The following NDUFB2 variants were observed in gnomAD, a reference collection of about 807,000 sequenced individuals.
NDUFB2 encodes NADH dehydrogenase [ubiquinone] 1 beta subcomplex subunit 2, mitochondrial.
NDUFB2 carries 13 observed loss-of-function variants against 13.4 expected under a neutral mutation model. The observed-to-expected ratio is 0.97, with a 90% CI of 0.63 to 1.54. NDUFB2 has a LOEUF of 1.54. Among genes scored for constraint, NDUFB2 ranks in the 40% most tolerant of loss-of-function variants. The probability of loss-of-function intolerance (pLI) is 0.00; values close to 1 mark genes in which losing one functional copy is unlikely to be tolerated. For synonymous variants in NDUFB2, 47 were observed against 50.6 expected, an observed-to-expected ratio of 0.93 and a Z score of 0.30; for missense variants, 150 against 139.7, an observed-to-expected ratio of 1.07 and a Z score of -0.37.
At position 140,698,272 on chromosome 7, in the gene NDUFB2, C is replaced by G. The variant is rs1242005138; in HGVS notation, c.98+1430C>G. The G allele has an allele frequency of 2.2e-6, 3 of 1,351,040 alleles. No homozygotes were observed. The African/African-American group carries it at 4.4e-5, about 20-fold the overall frequency. The allele number at this position is 1,351,040 out of a possible 1,614,324, so 83.7% of individuals were successfully genotyped here. A position where few individuals can be genotyped will look rare whatever the true frequency, so the allele number is the denominator to read the frequency against. On this transcript the variant is annotated intron_variant, in intron 1 of 3. Coordinates refer to ENST00000247866, the MANE Select transcript of NDUFB2 (RefSeq NM_004546.3). Reference sequence around the variant, plus strand: ...GGGAATGCCGATCTTCCCTGAGGTGCTGGCTTGTTCGTAACACACACTTGT... The same window carrying G: ...GGGAATGCCGATCTTCCCTGAGGTGGTGGCTTGTTCGTAACACACACTTGT...
intron 1 of NDUFB2, chr7:140,702,572 CT>C (rs1466095836): frequency 5.8e-6 from 2 of 343,750 alleles, no homozygotes; most frequent in Non-Finnish European, 1.1e-5. Context: ...TAACTAAAAC[CT>C]TTGGGGCTAG....
chr7:140,702,997 C>G lies in NDUFB2; in HGVS notation c.230C>G (p.Ser77Ter), dbSNP rs776647947. 6 of 1,613,742 alleles carry G rather than the reference C, an allele frequency of 3.7e-6. No individual in the cohort carries two copies. Among genetic ancestry groups the G allele is most frequent in the Non-Finnish European group, 3.4e-6 (4 of 1,179,970 alleles). Residue 77 changes from serine (S) to a stop codon, truncating the protein, a stop_gained, in exon 2 of 4, where the codon TCA becomes TGA. Coordinates refer to ENST00000247866, the MANE Select transcript of NDUFB2 (RefSeq NM_004546.3). LOFTEE classifies it high-confidence loss of function. ...FWILWRFWHDSEEVLGHFPYP... is the reference protein window; with the variant it reads ...FWILWRFWHD The stretch of plus-strand genomic sequence containing the variant: ...ATTCTCTGGCGCTTTTGGCATGACT[C>G]AGAAGAGGTGCTGGTAAGTGCAGGA...
chr7:140,698,102 T>G, intron 1 of NDUFB2: 1 of 1,348,660 alleles, frequency 7.4e-7, no homozygotes, highest in Middle Eastern at 2.1e-4. Context: ...ATGAAAGGAG[T>G]GACTTGCCTG....
At chr7:140,701,904 C>G (rs1794903625) in intron 1 of NDUFB2, 2 of 552,954 alleles carry the variant, frequency 3.6e-6, no homozygotes, top group Admixed American at 5.8e-5. Flanking sequence ...CCATTGCACT[C>G]CAGCCTGGGT....
intron 3 of NDUFB2, chr7:140,706,135 C>A (rs1794970566): frequency 6.7e-6 from 1 of 149,530 alleles, no homozygotes; most frequent in South Asian, 2.1e-4. Context: ...ATTCTGTCAT[C>A]CAGACTGGAG....
rs766823823 is a variant in NDUFB2 at position 140,704,886 on chromosome 7, C to T, written c.270C>T (p.Ser90=). ...VLGHFPYPDP[S]QWTDEELGIP... ...GTCACTTTCCGTATCCTGATCCTTC[C>T]CAGTGGACAGATGAAGAATTAGGTA... Residue 90 remains serine, a synonymous_variant, in exon 3 of 4, where the codon TCC becomes TCT. Coordinates refer to ENST00000247866, the MANE Select transcript of NDUFB2 (RefSeq NM_004546.3). The T allele has an allele frequency of 3.1e-6, 5 of 1,602,750 alleles. No individual in the cohort carries two copies. Among genetic ancestry groups the T allele is most frequent in the Admixed American group, 1.7e-5 (1 of 58,198 alleles).
intron 1 of NDUFB2, chr7:140,698,415 G>A (rs2130799185): frequency 9.7e-7 from 1 of 1,029,550 alleles, no homozygotes; most frequent in Non-Finnish European, 1.3e-6. Context: ...GTACATTCTG[G>A]AGAGGAGAGA....
rs1426912427 is a variant in NDUFB2, at chr7:140,696,740, C to G, written c.-5C>G. ...CTGGGGACCGCGGGGCGGACGGGAG[C>G]GAGTATGTCCGCTCTGACTCGGCTG... is the stretch of plus-strand genomic sequence containing the variant. On this transcript the variant is annotated 5_prime_UTR_variant, in exon 1 of 4. Transcript: ENST00000247866. 1 of 1,585,232 alleles carries G rather than the reference C, an allele frequency of 6.3e-7. No homozygotes were observed. Among genetic ancestry groups the G allele is most frequent in the Non-Finnish European group, 8.6e-7 (1 of 1,166,912 alleles).
intron 1 of NDUFB2, chr7:140,698,006 G>A: frequency 2.3e-6 from 3 of 1,288,894 alleles, no homozygotes; most frequent in South Asian, 1.2e-5. Context: ...TCTCACTAAA[G>A]TGTTTAAAAC....
intron 3 of NDUFB2, chr7:140,705,764 G>C (rs986569158): frequency 6.6e-6 from 1 of 152,234 alleles, no homozygotes; most frequent in Non-Finnish European, 1.5e-5. Context: ...ACAGTACGTA[G>C]CTGCAAAACT....
intron 1 of NDUFB2, among the ~76,000 whole-genome samples, chr7:140,699,946 C>T (rs938732926): frequency 2.0e-5 from 3 of 150,724 alleles, no homozygotes; most frequent in African/African-American, 7.3e-5. Context: ...TCATGGCAAT[C>T]CTTGTCATTG....
intron 1 of NDUFB2, chr7:140,702,176 A>G (rs933550394): frequency 1.6e-6 from 1 of 626,918 alleles, no homozygotes; most frequent in Admixed American, 2.4e-5. Flanking sequence ...ACTTCTGTTT[A>G]TTAGCATATA....
intron 1 of NDUFB2, among the ~76,000 whole-genome samples, chr7:140,698,635 A>AT: frequency 6.6e-6 from 1 of 152,220 alleles, no homozygotes; most frequent in East Asian, 1.9e-4. Flanking sequence ...CCCGGTGGAC[A>AT]TAAGAGGGCA....
chr7:140,702,143 A>G (rs1794906726), intron 1 of NDUFB2: 1 of 654,082 alleles, frequency 1.5e-6, no homozygotes, highest in African/African-American at 1.8e-5. Context: ...TTATATAGGA[A>G]TTCTCTTAAA....
At chr7:140,700,521 G>T (rs1023238853) in intron 1 of NDUFB2, among the ~76,000 whole-genome samples, 4 of 151,318 alleles carry the variant, frequency 2.6e-5, no homozygotes, top group African/African-American at 9.7e-5. Flanking sequence ...GCACAGTGTG[G>T]CTCACGCCTA....
At chr7:140,704,190 AATTTGGGT>A (rs1794935510) in intron 2 of NDUFB2, among the ~76,000 whole-genome samples, 2 of 152,148 alleles carry the variant, frequency 1.3e-5, no homozygotes, top group Admixed American at 6.5e-5. Flanking sequence ...AGTTGTAGTA[AATTTGGGT>A]TTGTTTCCAG....
intron 2 of NDUFB2, 26 bp downstream of exon 2, chr7:140,703,036 C>T (rs761161520): frequency 6.9e-6 from 11 of 1,601,212 alleles, no homozygotes; most frequent in Non-Finnish European, 8.5e-6. Flanking sequence ...GAGCACTTGT[C>T]GTTTTTTGGG....
In NDUFB2 at chr7:140,703,022, A is replaced by G. The variant is rs2130801783; in HGVS notation, c.243+12A>G. On this transcript the variant is annotated intron_variant, in intron 2 of 3. Coordinates refer to ENST00000247866, the MANE Select transcript of NDUFB2 (RefSeq NM_004546.3). The stretch of plus-strand genomic sequence containing the variant: ...CAGAAGAGGTGCTGGTAAGTGCAGG[A>G]GAAGAGCACTTGTCGTTTTTTGGGT... 1 of 1,612,064 alleles carries G rather than the reference A, an allele frequency of 6.2e-7. No homozygotes were observed. The highest frequency in any genetic ancestry group is 8.5e-7 in the Non-Finnish European group (1 of 1,178,562).
chr7:140,698,038 A>G, intron 1 of NDUFB2: 1 of 1,294,894 alleles, frequency 7.7e-7, no homozygotes, highest in Non-Finnish European at 1.0e-6. Context: ...CCTGCTAAGG[A>G]CCGTACAAGT....
Sources: allele counts gnomAD v4.1 joint callset (sites outside exome capture counted in the v4.1 genomes callset), GRCh38; gene constraint gnomAD v4.1.1; transcripts MANE v1.5; gene names NCBI Gene and HGNC (gene_info 2026-07-23, HGNC 2026-07-21).